Variants in ACAN observed in about 807,000 individuals in gnomAD.
ACAN encodes the protein aggrecan.
A neutral mutation model predicts 169.1 loss-of-function variants in ACAN; 47 were observed. The observed-to-expected ratio is 0.28, with a 90% CI of 0.22 to 0.35. The LOEUF (loss-of-function observed/expected upper bound fraction) is 0.35, where lower values mean the gene tolerates loss of function less well. Among genes scored for constraint, ACAN ranks in the 10% least tolerant of loss-of-function variants. The probability of loss-of-function intolerance (pLI) is 1.00; values close to 1 mark genes in which losing one functional copy is unlikely to be tolerated. For synonymous variants in ACAN, 1,115 were observed against 1,112.2 expected (o/e 1.00, Z -0.05); for missense variants, 2,716 against 2,759.9 (o/e 0.98, Z 0.36).
chr15:88,836,400 T>C (rs941971428), intron 2 of ACAN, 124 bp downstream of exon 2: 42 of 863,242 alleles, frequency 4.9e-5, no homozygotes, highest in Non-Finnish European at 7.4e-5. Flanking sequence ...GGACTTTTCC[T>C]GGCCCCACCC....
In ACAN at chr15:88,839,191, T is replaced by C; in HGVS notation, c.454+145T>C. The C allele has an allele frequency of 9.7e-7, 1 of 1,032,972 alleles. No individual in the cohort carries two copies. Among genetic ancestry groups the C allele is most frequent in the Non-Finnish European group, 1.4e-6 (1 of 712,710 alleles). The allele number at this position is 1,032,972 out of a possible 1,614,324, so 64.0% of individuals were successfully genotyped here. On this transcript the variant is annotated intron_variant, in intron 3 of 18. Coordinates refer to ENST00000560601, the MANE Select transcript of ACAN (RefSeq NM_001369268.1). The surrounding 1 kb of genome is among the most constrained non-coding windows in gnomAD (Gnocchi z 4.5). ...GTTACTTAACTTCAGCTGCTTCCTC[T>C]GTGACATGGAGCTGGTAATATCATT...
chr15:88,859,249 T>C lies in ACAN; in HGVS notation c.6664T>C (p.Trp2222Arg). 1 of 1,613,778 alleles carries C rather than the reference T, an allele frequency of 6.2e-7. No homozygotes were observed. Among genetic ancestry groups the C allele is most frequent in the Non-Finnish European group, 8.5e-7 (1 of 1,179,850 alleles). ...VISTSIPESEWTQQTQRPAET... is the reference protein window; with the variant it reads ...VISTSIPESERTQQTQRPAET... ...CAGCACCAGCATCCCAGAGTCTGAG[T>C]GGACCCAGCAGACCCAGCGCCCTGC... Residue 2222 changes from tryptophan (W) to arginine (R), a missense_variant, in exon 12 of 19, where the codon TGG (tryptophan) becomes CGG (arginine). By Grantham distance (101) the Trp-to-Arg change is moderately radical. Around this residue, in one of 3 missense-constraint regions of ACAN, gnomAD observed 1,389 missense variants for 1,363.7 expected, o/e 1.02. Coordinates refer to ENST00000560601, the MANE Select transcript of ACAN (RefSeq NM_001369268.1).
intron 1 of ACAN, among the ~76,000 whole-genome samples, chr15:88,824,152 G>A (rs571516305): frequency 1.4e-4 from 21 of 152,066 alleles, no homozygotes; most frequent in Non-Finnish European, 2.4e-4. Flanking sequence ...GTGAAACCCC[G>A]TCTCTACTAA....
At chr15:88,841,599 C>A in intron 4 of ACAN, 141 bp from the exon 5 acceptor site, 1 of 1,069,750 alleles carries the variant, frequency 9.3e-7, no homozygotes. Flanking sequence ...AACAGATAGG[C>A]AGTTGACATA....
At chr15:88,848,494 A>C (rs545723544) in intron 9 of ACAN, among the ~76,000 whole-genome samples, 1 of 152,184 alleles carries the variant, frequency 6.6e-6, no homozygotes, top group Non-Finnish European at 1.5e-5. Flanking sequence ...AGGTGCCTCA[A>C]TGTGAGTTGA....
chr15:88,860,576 T>C, intron 13 of ACAN, 137 bp downstream of exon 13: 1 of 654,086 alleles, frequency 1.5e-6, no homozygotes, highest in Admixed American at 2.3e-5. Context: ...CATGATGACA[T>C]GTCAGGGGCA....
chr15:88,817,118 T>G (rs1895960774), intron 1 of ACAN, among the ~76,000 whole-genome samples: 1 of 152,150 alleles, frequency 6.6e-6, no homozygotes, highest in Non-Finnish European at 1.5e-5. Context: ...CTCCTGTGAT[T>G]GTCTTGAATG....
intron 1 of ACAN, among the ~76,000 whole-genome samples, chr15:88,822,490 G>T (rs2141520394): frequency 6.6e-6 from 1 of 150,962 alleles, no homozygotes; most frequent in South Asian, 2.1e-4. Context: ...TTTTGAGATG[G>T]AGTTTCGCTC....
intron 5 of ACAN, among the ~76,000 whole-genome samples, chr15:88,842,319 G>A (rs550795196): frequency 2.0e-5 from 3 of 152,184 alleles, no homozygotes; most frequent in Non-Finnish European, 4.4e-5. Flanking sequence ...CCTGTGGGCA[G>A]CCCCAGCTCT....
intron 1 of ACAN, among the ~76,000 whole-genome samples, chr15:88,809,853 C>G (rs1301533772): frequency 6.6e-6 from 1 of 152,224 alleles, no homozygotes; most frequent in Non-Finnish European, 1.5e-5. Context: ...AAATGAGGAT[C>G]AGGACCCTGG....
In ACAN at chr15:88,869,132, G is replaced by T. The variant is rs2141633376; in HGVS notation, c.7060+803G>T. 6.6e-6 allele frequency among the ~76,000 whole-genome samples: 1 copy of T among 152,182 alleles called. No homozygotes were observed. Among genetic ancestry groups the T allele is most frequent in the South Asian group, 2.1e-4 (1 of 4,796 alleles). On this transcript the variant is annotated intron_variant, in intron 14 of 18. Coordinates refer to ENST00000560601, the MANE Select transcript of ACAN (RefSeq NM_001369268.1). This position sits in a 1 kb window ranked among gnomAD's most constrained non-coding sequence, Gnocchi z 4.2. ...TGAACCCTCAGCTCTCTCACCTTTG[G>T]TGCTTCCTAGTCTCCCCACCAGCCG... is the stretch of plus-strand genomic sequence containing the variant.
chr15:88,859,270 C>T lies in ACAN; in HGVS notation c.6685C>T (p.Pro2229Ser). 1 of 1,613,862 alleles carries T rather than the reference C, an allele frequency of 6.2e-7. No homozygotes were observed. The highest frequency in any genetic ancestry group is 1.1e-5 in the South Asian group (1 of 91,078). ...ESEWTQQTQR[P>S]AETHLEIESS... ...TGAGTGGACCCAGCAGACCCAGCGC[C>T]CTGCAGAGACGCATCTAGAAATTGA... is the stretch of plus-strand genomic sequence containing the variant. The change falls in exon 12 of 19, where the codon CCT (proline) becomes TCT (serine). Residue 2229 changes from proline (P) to serine (S), a missense_variant. Around this residue, in one of 3 missense-constraint regions of ACAN, gnomAD observed 1,389 missense variants for 1,363.7 expected, o/e 1.02. Coordinates refer to ENST00000560601, the MANE Select transcript of ACAN (RefSeq NM_001369268.1).
rs1453755081 is a variant in ACAN at position 88,843,196 on chromosome 15, G to A, written c.758-159G>A. ...ATCCTACACAAAAGCCCAGAAATAA[G>A]CAATGAAGGGCAAGATCTGAGATGC... On this transcript the variant is annotated intron_variant, in intron 5 of 18. Transcript: ENST00000560601. The surrounding 1 kb of genome is among the most constrained non-coding windows in gnomAD (Gnocchi z 4.0). Among the ~76,000 whole-genome samples, 1 of 152,198 alleles carries A rather than the reference G, an allele frequency of 6.6e-6. No individual in the cohort carries two copies. Among genetic ancestry groups the A allele is most frequent in the Non-Finnish European group, 1.5e-5 (1 of 68,042 alleles).
intron 1 of ACAN, among the ~76,000 whole-genome samples, chr15:88,826,478 G>A (rs547912885): frequency 0.029 from 326 of 11,380 alleles, no homozygotes; most frequent in African/African-American, 0.14. Context: ...GGGGACCCCT[G>A]GAGACACAGG....
At chr15:88,808,238 A>C (rs1041302919) in intron 1 of ACAN, among the ~76,000 whole-genome samples, 2 of 152,204 alleles carry the variant, frequency 1.3e-5, no homozygotes, top group Non-Finnish European at 2.9e-5. Context: ...AGATCGCAAA[A>C]GGGACCTAGG....
rs1596131015 is a variant in ACAN at position 88,839,025 on chromosome 15, A to G, written c.433A>G (p.Thr145Ala). The change falls in exon 3 of 19, where the codon ACC becomes GCC. Residue 145 changes from threonine to alanine, a missense_variant. Around this residue, in one of 3 missense-constraint regions of ACAN, gnomAD observed 1,283 missense variants for 1,281.5 expected, o/e 1.00. Coordinates refer to ENST00000560601, the MANE Select transcript of ACAN (RefSeq NM_001369268.1). This position sits in a 1 kb window ranked among gnomAD's most constrained non-coding sequence, Gnocchi z 4.5. ...VMHGIEDSEA[T>A]LEVVVKGIVF... ...GCATGGCATCGAGGACAGCGAGGCC[A>G]CCCTGGAAGTCGTGGTGAAAGGTGA... 6.2e-7 allele frequency: 1 copy of G among 1,605,134 alleles called. No homozygotes were observed. The highest frequency in any genetic ancestry group is 1.1e-5 in the South Asian group (1 of 91,076).
rs1897480324 is a variant in ACAN, at chr15:88,875,060, G to A, written c.*579G>A. 1 of 165,646 alleles carries A rather than the reference G, an allele frequency of 6.0e-6. No homozygotes were observed. Among genetic ancestry groups the A allele is most frequent in the Non-Finnish European group, 1.3e-5 (1 of 75,860 alleles). The allele number at this position is 165,646 out of a possible 1,614,324, so 10.3% of individuals were successfully genotyped here. The stretch of plus-strand genomic sequence containing the variant: ...GGTGGGTTCCTGCCTCCTGCCGAGG[G>A]TAAGCCGGCAGGAGAGAGCCATCAG... On this transcript the variant is annotated 3_prime_UTR_variant, in exon 19 of 19. Transcript: ENST00000560601. The surrounding 1 kb of genome is among the most constrained non-coding windows in gnomAD (Gnocchi z 4.8).
chr15:88,810,357 GAAA>G (rs11446597), intron 1 of ACAN, among the ~76,000 whole-genome samples: 1 of 150,622 alleles, frequency 6.6e-6, no homozygotes, highest in Non-Finnish European at 1.5e-5. Flanking sequence ...ATTTTGGGGG[GAAA>G]AAAAAACCTC....
Position 88,843,927 on chromosome 15 carries a change from C to G in ACAN, c.1051+279C>G, listed in dbSNP as rs888303929. On this transcript the variant is annotated intron_variant, in intron 6 of 18. Transcript: ENST00000560601. The surrounding 1 kb of genome is among the most constrained non-coding windows in gnomAD (Gnocchi z 4.0). Reference sequence around the variant, plus strand: ...CTGTTTTCTCCAGTTTGAATCAAAGCTCTGTCACCTACTACTGTGCAACCC... The same window carrying G: ...CTGTTTTCTCCAGTTTGAATCAAAGGTCTGTCACCTACTACTGTGCAACCC... Among the ~76,000 whole-genome samples the G allele has an allele frequency of 6.6e-5, 10 of 152,146 alleles. No individual in the cohort carries two copies. The highest frequency in any genetic ancestry group is 1.3e-4 in the Non-Finnish European group (9 of 68,030).
Sources: gnomAD v4.1 joint callset for allele counts (sites outside exome capture counted in the v4.1 genomes callset) on GRCh38, gnomAD v4.1.1 for gene constraint, gnomAD v4.1.1 regional missense constraint, Gnocchi (gnomAD v3.1) non-coding constraint, MANE v1.5 for transcripts, NCBI Gene and HGNC (gene_info 2026-07-23, HGNC 2026-07-21) for gene names.